The following FOXN3 variants were observed in gnomAD, a reference collection of about 807,000 sequenced individuals.
FOXN3 encodes the protein forkhead box protein N3.
FOXN3 carries 7 observed loss-of-function variants against 38.4 expected under a neutral mutation model. That is an observed-to-expected ratio of 0.18 (90% CI 0.10 to 0.34). The LOEUF (loss-of-function observed/expected upper bound fraction) is 0.34. Among genes scored for constraint, FOXN3 ranks in the 10% least tolerant of loss-of-function variants. The probability of loss-of-function intolerance (pLI) is 1.00; values close to 1 mark genes in which losing one functional copy is unlikely to be tolerated. For missense variants in FOXN3, 456 were observed against 613.4 expected, an observed-to-expected ratio of 0.74 and a Z score of 2.71; for synonymous variants, 230 against 242.2, an observed-to-expected ratio of 0.95 and a Z score of 0.47.
chr14:89,233,041 G>A (rs116385452), intron 4 of FOXN3, among the ~76,000 whole-genome samples: 2,470 of 152,220 alleles, frequency 0.016, 57 homozygotes, highest in African/African-American at 0.056. Flanking sequence ...CTCTCCATGT[G>A]TCCTTTATGT....
chr14:89,378,975 G>A (rs1399989316), intron 2 of FOXN3, among the ~76,000 whole-genome samples: 1 of 152,212 alleles, frequency 6.6e-6, no homozygotes, highest in African/African-American at 2.4e-5. Context: ...CCAAAGGGGT[G>A]GGATTACATG....
intron 2 of FOXN3, among the ~76,000 whole-genome samples, chr14:89,405,623 C>T (rs1423553536): frequency 6.6e-6 from 1 of 152,078 alleles, no homozygotes; most frequent in African/African-American, 2.4e-5. Context: ...GCCTGGAAAC[C>T]GGAAGCTGAG....
At chr14:89,606,575 C>T (rs111574808) in intron 1 of FOXN3, among the ~76,000 whole-genome samples, 13 of 152,296 alleles carry the variant, frequency 8.5e-5, no homozygotes, top group Non-Finnish European at 1.2e-4. Context: ...TGTAGCCGGG[C>T]GCAGTGGCTC....
chr14:89,349,634 G>A (rs1888889834), intron 3 of FOXN3: 1 of 152,656 alleles, frequency 6.6e-6, no homozygotes, highest in Non-Finnish European at 1.5e-5. Flanking sequence ...TCTTCTCAGA[G>A]AGCCCAGCTG....
chr14:89,204,497 T>A (rs894985845), intron 4 of FOXN3, among the ~76,000 whole-genome samples: 3 of 152,212 alleles, frequency 2.0e-5, no homozygotes, highest in African/African-American at 7.2e-5. Flanking sequence ...GAAAAGCCAA[T>A]CAAATGCTTG....
At chr14:89,195,850 A>T (rs1888085871) in intron 4 of FOXN3, among the ~76,000 whole-genome samples, 1 of 151,958 alleles carries the variant, frequency 6.6e-6, no homozygotes, top group Admixed American at 6.5e-5. Context: ...TACCTAATTC[A>T]GCAATCAGTA....
chr14:89,193,771 T>C (rs769244017), intron 4 of FOXN3, among the ~76,000 whole-genome samples: 3 of 152,232 alleles, frequency 2.0e-5, no homozygotes, highest in Non-Finnish European at 4.4e-5. Flanking sequence ...TTTAGCTTTA[T>C]AGAGAATTGC....
chr14:89,493,876 GC>G (rs1893629595), intron 1 of FOXN3: 1 of 150,160 alleles, frequency 6.7e-6, no homozygotes, highest in Non-Finnish European at 1.5e-5. Flanking sequence ...AAAAAAAATA[GC>G]TTCATTAACA....
intron 1 of FOXN3, among the ~76,000 whole-genome samples, chr14:89,529,317 T>A (rs1894504648): frequency 6.6e-6 from 1 of 152,204 alleles, no homozygotes; most frequent in African/African-American, 2.4e-5. Context: ...CCACAGAGGA[T>A]GCACCCTGTT....
chr14:89,222,128 T>C (rs1004897022), intron 4 of FOXN3, among the ~76,000 whole-genome samples: 4 of 152,186 alleles, frequency 2.6e-5, no homozygotes, highest in African/African-American at 9.7e-5. Flanking sequence ...CACAATCTTT[T>C]CTTGAGAACT....
At chr14:89,299,167 C>T (rs1329871463) in intron 3 of FOXN3, among the ~76,000 whole-genome samples, 1 of 152,194 alleles carries the variant, frequency 6.6e-6, no homozygotes, top group Non-Finnish European at 1.5e-5. Context: ...TGTCCCTACC[C>T]AAATCTCACC....
chr14:89,319,269 T>C (rs1238798607), intron 3 of FOXN3, among the ~76,000 whole-genome samples: 2 of 152,116 alleles, frequency 1.3e-5, no homozygotes, highest in Non-Finnish European at 2.9e-5. Context: ...ACAGTCATGC[T>C]CATGGCTATG....
chr14:89,559,030 A>C (rs243207), intron 1 of FOXN3, among the ~76,000 whole-genome samples: 134,402 of 152,068 alleles, frequency 0.88, 60,014 homozygotes, highest in Non-Finnish European at 0.95. Flanking sequence ...AGTCATAGGA[A>C]TGTTTTTGTT....
intron 1 of FOXN3, among the ~76,000 whole-genome samples, chr14:89,518,906 T>C (rs900510140): frequency 6.6e-6 from 1 of 152,108 alleles, no homozygotes; most frequent in African/African-American, 2.4e-5. Context: ...TCCCAGCTAC[T>C]TGGGAGGCTG....
At chr14:89,391,540 A>T (rs1890946809) in intron 2 of FOXN3, among the ~76,000 whole-genome samples, 1 of 152,208 alleles carries the variant, frequency 6.6e-6, no homozygotes, top group East Asian at 1.9e-4. Context: ...GCTTCTTCCC[A>T]GTTCAAGGTT....
At chr14:89,545,521 GTCCATTACACA>G (rs1894867085) in intron 1 of FOXN3, among the ~76,000 whole-genome samples, 1 of 152,114 alleles carries the variant, frequency 6.6e-6, no homozygotes, top group South Asian at 2.1e-4. Flanking sequence ...CCAGCTCCCA[GTCCATTACACA>G]TCCATTACAC....
intron 3 of FOXN3, among the ~76,000 whole-genome samples, chr14:89,328,890 A>T (rs1323750991): frequency 6.6e-6 from 1 of 152,140 alleles, no homozygotes; most frequent in East Asian, 1.9e-4. Context: ...AAGATATAAG[A>T]CGTGCAATGA....
intron 5 of FOXN3, among the ~76,000 whole-genome samples, chr14:89,178,653 C>G (rs1887587574): frequency 1.3e-5 from 2 of 152,196 alleles, no homozygotes; most frequent in South Asian, 4.1e-4. Flanking sequence ...TTGTTATTCT[C>G]TAACTAGAAA....
chr14:89,350,583 G>A (rs182577431), intron 3 of FOXN3, 89 bp downstream of exon 3: 13 of 1,132,556 alleles, frequency 1.1e-5, no homozygotes, highest in Middle Eastern at 3.2e-4. Flanking sequence ...TTAAAATCTC[G>A]TACGGCCTAT....
Sources: gnomAD v4.1 joint callset for allele counts (sites outside exome capture counted in the v4.1 genomes callset) on GRCh38, gnomAD v4.1.1 for gene constraint, MANE v1.5 for transcripts, NCBI Gene and HGNC (gene_info 2026-07-23, HGNC 2026-07-21) for gene names.